MOB3B: variants seen among roughly 807,000 people sequenced by gnomAD.
MOB3B encodes the protein MOB kinase activator-like 2B.
Under a neutral mutation model 18.7 loss-of-function variants are expected in MOB3B, and 7 were observed. That is an observed-to-expected ratio of 0.37 (90% CI 0.21 to 0.70). MOB3B has a LOEUF of 0.70. Among genes scored for constraint, MOB3B ranks in the 30% least tolerant of loss-of-function variants. MOB3B has a pLI of 0.52. For missense variants in MOB3B, 253 were observed against 281.3 expected, an observed-to-expected ratio of 0.90 and a Z score of 0.72; for synonymous variants, 111 against 99.9, an observed-to-expected ratio of 1.11 and a Z score of -0.66.
intron 2 of MOB3B, among the ~76,000 whole-genome samples, chr9:27,390,419 C>G (rs1587175932): frequency 6.6e-6 from 1 of 152,304 alleles, no homozygotes; most frequent in East Asian, 1.9e-4. Context: ...CCAGGTTGGT[C>G]ATGAACTCCA....
chr9:27,439,377 A>G (rs1822561789), intron 2 of MOB3B, among the ~76,000 whole-genome samples: 1 of 152,126 alleles, frequency 6.6e-6, no homozygotes, highest in Non-Finnish European at 1.5e-5. Flanking sequence ...TGAGACTTTT[A>G]TCTTTAAAAG....
intron 3 of MOB3B, among the ~76,000 whole-genome samples, chr9:27,347,595 G>A (rs1011581353): frequency 2.0e-5 from 3 of 152,230 alleles, no homozygotes; most frequent in African/African-American, 4.8e-5. Flanking sequence ...TAGCCAAGGT[G>A]TTGCGTGTAG....
At chr9:27,466,676 C>T (rs1476122165) in intron 1 of MOB3B, among the ~76,000 whole-genome samples, 6 of 152,268 alleles carry the variant, frequency 3.9e-5, no homozygotes, top group African/African-American at 1.4e-4. Context: ...GAAGGCACTT[C>T]TTATACGGCA....
intron 1 of MOB3B, among the ~76,000 whole-genome samples, chr9:27,481,382 T>C (rs2131477548): frequency 6.6e-6 from 1 of 152,004 alleles, no homozygotes; most frequent in Admixed American, 6.6e-5. Context: ...CAGCCAGGTG[T>C]AGGAAAGCAA....
intron 1 of MOB3B, among the ~76,000 whole-genome samples, chr9:27,520,205 T>C (rs1439199680): frequency 6.6e-6 from 1 of 152,220 alleles, no homozygotes; most frequent in East Asian, 1.9e-4. Context: ...AAATGTCTCA[T>C]CTCCATTTTG....
intron 1 of MOB3B, among the ~76,000 whole-genome samples, chr9:27,468,985 T>C (rs1302666831): frequency 6.6e-6 from 1 of 152,188 alleles, no homozygotes; most frequent in African/African-American, 2.4e-5. Flanking sequence ...CTTAAAACAA[T>C]GTTTAAAAAG....
rs186218168 is a variant in MOB3B at position 27,343,185 on chromosome 9, G to A, written c.622-12569C>T. Among the ~76,000 whole-genome samples, 468 of 151,602 alleles carry A rather than the reference G, an allele frequency of 3.1e-3. 2 individuals carry two copies. The highest frequency in any genetic ancestry group is 4.9e-3 in the Admixed American group (75 of 15,254). On this transcript the variant is annotated intron_variant, in intron 3 of 3. Transcript: ENST00000262244. ...AATCTATAACTTTACCCCCAACCCC[G>A]TGCTCTCTGAAACATGTGCTGTGTC...
At chr9:27,454,750 A>G (rs1446941193) in intron 2 of MOB3B, among the ~76,000 whole-genome samples, 2 of 152,218 alleles carry the variant, frequency 1.3e-5, no homozygotes, top group Non-Finnish European at 2.9e-5. Context: ...GGAATTTCTT[A>G]ATCCTCAGAT....
At chr9:27,336,835 A>C (rs897766239) in intron 3 of MOB3B, among the ~76,000 whole-genome samples, 1 of 152,102 alleles carries the variant, frequency 6.6e-6, no homozygotes, top group African/African-American at 2.4e-5. Context: ...GGAGAGATTC[A>C]TCTCCCCCAG....
intron 2 of MOB3B, among the ~76,000 whole-genome samples, chr9:27,420,071 T>C (rs983124048): frequency 1.3e-5 from 2 of 152,100 alleles, no homozygotes; most frequent in African/African-American, 4.8e-5. Flanking sequence ...ACATCACTAA[T>C]GATCAGGGAA....
chr9:27,515,280 T>C lies in MOB3B; in HGVS notation c.-199+14275A>G, dbSNP rs150158854. On this transcript the variant is annotated intron_variant, in intron 1 of 3. Transcript: ENST00000262244. ...TTTCTATAAATGGTTTCAAATTATTTTGAGAATGAAAATGGCTATTAATGC... is the reference window on the plus strand; with the variant it reads ...TTTCTATAAATGGTTTCAAATTATTCTGAGAATGAAAATGGCTATTAATGC... Among the ~76,000 whole-genome samples the C allele has an allele frequency of 7.9e-5, 12 of 152,326 alleles. No individual in the cohort carries two copies. In the East Asian group the frequency reaches 2.3e-3, roughly 29 times the overall value.
At chr9:27,343,347 C>T (rs1032864325) in intron 3 of MOB3B, among the ~76,000 whole-genome samples, 41 of 151,422 alleles carry the variant, frequency 2.7e-4, no homozygotes, top group African/African-American at 9.3e-4. Context: ...CGGAAGGCCG[C>T]GGGGTCCTCT....
At chr9:27,359,297 C>T (rs1472487442) in intron 2 of MOB3B, 61 bp from the exon 3 acceptor site, 8 of 1,490,962 alleles carry the variant, frequency 5.4e-6, no homozygotes, top group Non-Finnish European at 6.5e-6. Context: ...TTTCCTCTTT[C>T]CTCTAATATG....
At chr9:27,349,972 C>T (rs1036943161) in intron 3 of MOB3B, among the ~76,000 whole-genome samples, 1 of 152,148 alleles carries the variant, frequency 6.6e-6, no homozygotes, top group African/African-American at 2.4e-5. Flanking sequence ...GAGCCTCTGG[C>T]TCAGTGGTGT....
intron 1 of MOB3B, among the ~76,000 whole-genome samples, chr9:27,474,190 C>A (rs1211478218): frequency 6.6e-6 from 1 of 152,046 alleles, no homozygotes; most frequent in Non-Finnish European, 1.5e-5. Flanking sequence ...TTTTATAAAG[C>A]CTTGTATGGG....
At chr9:27,490,718 C>A (rs1819803634) in intron 1 of MOB3B, among the ~76,000 whole-genome samples, 1 of 152,118 alleles carries the variant, frequency 6.6e-6, no homozygotes, top group African/African-American at 2.4e-5. Context: ...CAAAGCCCAC[C>A]TAATTAGGTT....
chr9:27,525,009 C>A, intron 1 of MOB3B: 1 of 1,419,762 alleles, frequency 7.0e-7, no homozygotes, highest in South Asian at 1.4e-5. Flanking sequence ...ATCTCTTTCT[C>A]CTTCTCCTCC....
At chr9:27,414,855 C>T (rs938212109) in intron 2 of MOB3B, among the ~76,000 whole-genome samples, 7 of 151,948 alleles carry the variant, frequency 4.6e-5, no homozygotes, top group African/African-American at 7.2e-5. Flanking sequence ...ATACTCTAAC[C>T]GCAGTTTTAT....
rs117037422 is a variant in MOB3B, at chr9:27,343,750, T to C, written c.622-13134A>G. The stretch of plus-strand genomic sequence containing the variant: ...TACAGGGCATTTTATGCTACTGTTG[T>C]TACACTGCGGTTTGCTCTCAATATA... On this transcript the variant is annotated intron_variant, in intron 3 of 3. Coordinates refer to ENST00000262244, the MANE Select transcript of MOB3B (RefSeq NM_024761.5). Among the ~76,000 whole-genome samples, 1,061 of 151,248 alleles carry C rather than the reference T, an allele frequency of 7.0e-3. 9 individuals carry two copies. Among genetic ancestry groups the C allele is most frequent in the East Asian group, 0.024 (122 of 5,164 alleles).
Sources: allele counts gnomAD v4.1 joint callset (sites outside exome capture counted in the v4.1 genomes callset), GRCh38; gene constraint gnomAD v4.1.1; transcripts MANE v1.5; gene names NCBI Gene and HGNC (gene_info 2026-07-23, HGNC 2026-07-21).